The following GRM5 variants were observed in gnomAD, a reference collection of about 807,000 sequenced individuals.
GRM5 encodes the protein glutamate metabotropic receptor 5.
In GRM5, 19 loss-of-function variants were observed where a neutral mutation model predicts 83.1. The ratio of observed to expected loss-of-function variants is 0.23; its 90% CI spans 0.16 to 0.34. The LOEUF is 0.34. Ranked by LOEUF, GRM5 falls within the 10% of genes least tolerant of loss-of-function variation. The probability of loss-of-function intolerance (pLI) is 1.00; values close to 1 mark genes in which losing one functional copy is unlikely to be tolerated. For synonymous variants in GRM5, 675 were observed against 633.6 expected (o/e 1.07, Z -0.98); for missense variants, 1,160 against 1,588.3 (o/e 0.73, Z 4.58).
chr11:88,536,814 T>A (rs760187519), intron 8 of GRM5, among the ~76,000 whole-genome samples: 2 of 152,200 alleles, frequency 1.3e-5, no homozygotes, highest in Non-Finnish European at 2.9e-5. Context: ...TTTGGGACCA[T>A]CCTAATTTTG....
intron 2 of GRM5, among the ~76,000 whole-genome samples, chr11:88,926,948 CA>C (rs550270429): frequency 5.1e-4 from 78 of 152,214 alleles, no homozygotes; most frequent in African/African-American, 1.9e-3. Context: ...ATTTAACTAA[CA>C]GTTAAATATT....
chr11:88,830,946 C>A (rs1449459889), intron 3 of GRM5, among the ~76,000 whole-genome samples: 1 of 152,056 alleles, frequency 6.6e-6, no homozygotes, highest in African/African-American at 2.4e-5. Context: ...TTATAGTAAC[C>A]AGATCTCATG....
chr11:88,878,192 G>T (rs960643951), intron 2 of GRM5, among the ~76,000 whole-genome samples: 2 of 152,050 alleles, frequency 1.3e-5, no homozygotes, highest in African/African-American at 4.8e-5. Context: ...GATGTTCTTC[G>T]ATAGGTGAAT....
At chr11:88,725,275 T>A (rs1941649370) in intron 3 of GRM5, among the ~76,000 whole-genome samples, 1 of 152,138 alleles carries the variant, frequency 6.6e-6, no homozygotes, top group South Asian at 2.1e-4. Context: ...CCAGGAAGTT[T>A]GAACTGGGCA....
At chr11:88,983,178 A>G (rs951225651) in intron 2 of GRM5, among the ~76,000 whole-genome samples, 2 of 152,240 alleles carry the variant, frequency 1.3e-5, no homozygotes, top group African/African-American at 4.8e-5. Flanking sequence ...TGCTATAACA[A>G]TAACAGACAA....
rs1483087069 is a variant in GRM5 at position 89,008,136 on chromosome 11, T to C, written c.661+39076A>G. On this transcript the variant is annotated intron_variant, in intron 2 of 9. Coordinates refer to ENST00000305447, the MANE Select transcript of GRM5 (RefSeq NM_001143831.3). Reference sequence around the variant, plus strand: ...AAAAGGAAACTGTGAAAAAACAGTATGGCATAAAGATGAAAAAAGTCTCTT... The same window carrying C: ...AAAAGGAAACTGTGAAAAAACAGTACGGCATAAAGATGAAAAAAGTCTCTT... Among the ~76,000 whole-genome samples, 19 of 152,140 alleles carry C rather than the reference T, an allele frequency of 1.2e-4. 1 individual carries two copies. The highest frequency in any genetic ancestry group is 9.8e-4 in the Admixed American group (15 of 15,268).
chr11:88,540,801 C>T (rs1166651826), intron 8 of GRM5, among the ~76,000 whole-genome samples: 2 of 151,980 alleles, frequency 1.3e-5, no homozygotes, highest in African/African-American at 2.4e-5. Context: ...AGTGCAGTGG[C>T]GTGATCGTGA....
chr11:88,844,457 A>G (rs1944263718), intron 3 of GRM5, among the ~76,000 whole-genome samples: 1 of 152,170 alleles, frequency 6.6e-6, no homozygotes, highest in South Asian at 2.1e-4. Context: ...CCGGCCAGCC[A>G]GGAGGTCTGA....
intron 2 of GRM5, among the ~76,000 whole-genome samples, chr11:89,017,073 T>C (rs1335347427): frequency 6.6e-6 from 1 of 152,208 alleles, no homozygotes; most frequent in African/African-American, 2.4e-5. Context: ...ATAAATTTGA[T>C]GAGCTCTCAA....
chr11:89,027,302 C>T (rs760406383), intron 2 of GRM5, among the ~76,000 whole-genome samples: 4 of 152,050 alleles, frequency 2.6e-5, no homozygotes, highest in Middle Eastern at 3.2e-3. Flanking sequence ...CACCATGTTG[C>T]ACAGGGTGGT....
intron 4 of GRM5, among the ~76,000 whole-genome samples, chr11:88,607,444 A>G (rs1938186442): frequency 6.6e-6 from 1 of 152,164 alleles, no homozygotes; most frequent in African/African-American, 2.4e-5. Context: ...TTACAGCAAT[A>G]GTCTTCTAAC....
chr11:88,637,647 A>G (rs1365015854), intron 4 of GRM5, among the ~76,000 whole-genome samples: 3 of 146,610 alleles, frequency 2.0e-5, no homozygotes, highest in Non-Finnish European at 4.6e-5. Flanking sequence ...TTAAAAAGTC[A>G]GGAAACAACA....
intron 3 of GRM5, among the ~76,000 whole-genome samples, chr11:88,810,214 T>C (rs1943565357): frequency 6.6e-6 from 1 of 152,088 alleles, no homozygotes; most frequent in Admixed American, 6.6e-5. Context: ...AAGGGTGCTA[T>C]GTATGGCAGT....
At chr11:88,931,888 A>G (rs990090746) in intron 2 of GRM5, among the ~76,000 whole-genome samples, 3 of 152,130 alleles carry the variant, frequency 2.0e-5, no homozygotes, top group African/African-American at 7.2e-5. Flanking sequence ...AACACATTAT[A>G]TATGTCATGA....
chr11:88,999,179 C>G (rs1940289609), intron 2 of GRM5, among the ~76,000 whole-genome samples: 2 of 152,122 alleles, frequency 1.3e-5, no homozygotes, highest in Admixed American at 1.3e-4. Flanking sequence ...TAGGCATGGG[C>G]AAAGACTTCA....
chr11:88,789,942 C>A (rs12286787), intron 3 of GRM5, among the ~76,000 whole-genome samples: 3,818 of 152,168 alleles, frequency 0.025, 167 homozygotes, highest in African/African-American at 0.088. Context: ...GCAACCTCTG[C>A]CTCCCGGGTT....
At chr11:88,582,272 G>T (rs904609663) in intron 7 of GRM5, among the ~76,000 whole-genome samples, 1 of 152,196 alleles carries the variant, frequency 6.6e-6, no homozygotes, top group Non-Finnish European at 1.5e-5. Context: ...ACTCAAATAT[G>T]TGCTAATGAA....
At chr11:88,918,815 C>T (rs1945638777) in intron 2 of GRM5, among the ~76,000 whole-genome samples, 1 of 151,668 alleles carries the variant, frequency 6.6e-6, no homozygotes, top group Admixed American at 6.6e-5. Context: ...GTTAAGTAGT[C>T]ATCAATTTAA....
intron 2 of GRM5, among the ~76,000 whole-genome samples, chr11:88,859,596 G>C (rs1294491039): frequency 6.6e-6 from 1 of 152,106 alleles, no homozygotes; most frequent in African/African-American, 2.4e-5. Flanking sequence ...ATAATTGACA[G>C]CTAGTAAATA....
Sources: gnomAD v4.1 joint callset for allele counts (sites outside exome capture counted in the v4.1 genomes callset) on GRCh38, gnomAD v4.1.1 for gene constraint, MANE v1.5 for transcripts, NCBI Gene and HGNC (gene_info 2026-07-23, HGNC 2026-07-21) for gene names.